Variants in SLC39A9 observed in about 807,000 individuals in gnomAD.
SLC39A9 encodes the protein zinc transporter ZIP9.
Under a neutral mutation model 28.4 loss-of-function variants are expected in SLC39A9, and 14 were observed. The observed-to-expected ratio is 0.49, with a 90% CI of 0.33 to 0.77. The LOEUF (loss-of-function observed/expected upper bound fraction) is 0.77, where lower values mean the gene tolerates loss of function less well. Among genes scored for constraint, SLC39A9 ranks in the 30% least tolerant of loss-of-function variants. SLC39A9 has a pLI of 0.02. For missense variants in SLC39A9, 283 were observed against 381.1 expected, an observed-to-expected ratio of 0.74 and a Z score of 2.14; for synonymous variants, 119 against 149.6, an observed-to-expected ratio of 0.80 and a Z score of 1.49.
intron 2 of SLC39A9, among the ~76,000 whole-genome samples, chr14:69,427,669 G>T (rs762058482): frequency 1.6e-4 from 25 of 152,180 alleles, no homozygotes; most frequent in Non-Finnish European, 3.7e-4. Context: ...TGTCATAAAT[G>T]GAATCATGTA....
At chr14:69,422,110 C>T (rs936980824) in intron 1 of SLC39A9, among the ~76,000 whole-genome samples, 8 of 152,158 alleles carry the variant, frequency 5.3e-5, no homozygotes, top group Non-Finnish European at 7.3e-5. Flanking sequence ...AGCTGCAGAC[C>T]GGAATTGTTC....
At chr14:69,413,167 T>A (rs1050146104) in intron 1 of SLC39A9, among the ~76,000 whole-genome samples, 6 of 152,068 alleles carry the variant, frequency 3.9e-5, no homozygotes, top group African/African-American at 1.2e-4. Context: ...CCATCCTGGC[T>A]AACATGGTGA....
chr14:69,422,369 G>T (rs773241099), intron 1 of SLC39A9, among the ~76,000 whole-genome samples: 1 of 152,116 alleles, frequency 6.6e-6, no homozygotes, highest in Non-Finnish European at 1.5e-5. Context: ...CAACAGGTAC[G>T]TACTACCATG....
At chr14:69,445,498 CTT>C (rs1885252419) in intron 3 of SLC39A9, among the ~76,000 whole-genome samples, 1 of 152,094 alleles carries the variant, frequency 6.6e-6, no homozygotes, top group African/African-American at 2.4e-5. Flanking sequence ...TGTTAATCGA[CTT>C]TGTTATCATT....
Position 69,422,750 on chromosome 14 carries a change from AATTTTTGT to A in SLC39A9, c.97-1334_97-1327del, listed in dbSNP as rs1261962899. Among the ~76,000 whole-genome samples the A allele has an allele frequency of 3.3e-5, 5 of 152,246 alleles. No homozygotes were observed. In the South Asian group the frequency reaches 8.3e-4, roughly 25 times the overall value. ...CAGGCACACACCACCACACCCAGCT[AATTTTTGT>A]ATTTTTGTAGAGACGGGGTTTCACC... On this transcript the variant is annotated intron_variant, in intron 1 of 6. Transcript: ENST00000336643.
At chr14:69,455,042 A>G (rs1885793908) in intron 5 of SLC39A9, 145 bp downstream of exon 5, 1 of 615,214 alleles carries the variant, frequency 1.6e-6, no homozygotes, top group African/African-American at 1.9e-5. Flanking sequence ...AAATCTGTTC[A>G]TAGCTTCTTG....
At chr14:69,425,778 C>T (rs189238094) in intron 2 of SLC39A9, among the ~76,000 whole-genome samples, 1 of 152,140 alleles carries the variant, frequency 6.6e-6, no homozygotes, top group Non-Finnish European at 1.5e-5. Context: ...CCACCTCAGC[C>T]TCCTGAGTAG....
At chr14:69,411,293 G>A (rs971384889) in intron 1 of SLC39A9, among the ~76,000 whole-genome samples, 1 of 152,052 alleles carries the variant, frequency 6.6e-6, no homozygotes, top group African/African-American at 2.4e-5. Flanking sequence ...CTGTGAGCAG[G>A]GAAAGAAAGA....
At chr14:69,439,841 G>A (rs1163649046) in intron 2 of SLC39A9, among the ~76,000 whole-genome samples, 1 of 152,168 alleles carries the variant, frequency 6.6e-6, no homozygotes, top group Non-Finnish European at 1.5e-5. Context: ...GAAGCTTCCT[G>A]AGATCCTCAG....
chr14:69,415,194 T>A (rs1467157671), intron 1 of SLC39A9, among the ~76,000 whole-genome samples: 1 of 152,210 alleles, frequency 6.6e-6, no homozygotes, highest in Non-Finnish European at 1.5e-5. Flanking sequence ...TTTAACTTTA[T>A]AAGGGACTGC....
chr14:69,401,083 T>G (rs1048336223), intron 1 of SLC39A9, among the ~76,000 whole-genome samples: 1 of 152,180 alleles, frequency 6.6e-6, no homozygotes, highest in Admixed American at 6.5e-5. Context: ...AGGTATTTTT[T>G]CAGTCTAGCT....
At chr14:69,438,166 C>T (rs1166450378) in intron 2 of SLC39A9, among the ~76,000 whole-genome samples, 1 of 151,564 alleles carries the variant, frequency 6.6e-6, no homozygotes, top group Admixed American at 6.6e-5. Context: ...GGATTACAGG[C>T]ACCTGCCACT....
intron 1 of SLC39A9, among the ~76,000 whole-genome samples, chr14:69,417,275 T>C (rs1476409152): frequency 6.6e-6 from 1 of 152,194 alleles, no homozygotes; most frequent in African/African-American, 2.4e-5. Flanking sequence ...AAAGATCAGA[T>C]GGTTTGTAGA....
intron 2 of SLC39A9, among the ~76,000 whole-genome samples, chr14:69,425,639 C>T (rs1305495676): frequency 6.6e-6 from 1 of 151,064 alleles, no homozygotes; most frequent in Non-Finnish European, 1.5e-5. Context: ...TACCCTGTTT[C>T]AGGTATAGTT....
chr14:69,430,613 T>C (rs1306262313), intron 2 of SLC39A9, among the ~76,000 whole-genome samples: 1 of 147,026 alleles, frequency 6.8e-6, no homozygotes, highest in African/African-American at 2.6e-5. Flanking sequence ...TCCTTCTTTG[T>C]TCTTATTTTT....
At chr14:69,403,367 G>C (rs1882741055) in intron 1 of SLC39A9, among the ~76,000 whole-genome samples, 1 of 152,152 alleles carries the variant, frequency 6.6e-6, no homozygotes, top group Non-Finnish European at 1.5e-5. Flanking sequence ...TGGGATTTCA[G>C]ATTGATTATC....
At position 69,454,906 on chromosome 14, in the gene SLC39A9, C is replaced by T. The variant is rs769546138; in HGVS notation, c.558+9C>T. 2 of 1,610,380 alleles carry T rather than the reference C, an allele frequency of 1.2e-6. No individual in the cohort carries two copies. Among genetic ancestry groups the T allele is most frequent in the South Asian group, 2.2e-5 (2 of 90,688 alleles). On this transcript the variant is annotated intron_variant, in intron 5 of 6. Coordinates refer to ENST00000336643, the MANE Select transcript of SLC39A9 (RefSeq NM_018375.5). ...CAATCATGCTACATAAGGTAAGCAA[C>T]ATTTTGGTGTAAGGTTTGGTATTGA... is the stretch of plus-strand genomic sequence containing the variant.
At chr14:69,401,157 T>TGG (rs956113734) in intron 1 of SLC39A9, among the ~76,000 whole-genome samples, 6 of 152,156 alleles carry the variant, frequency 3.9e-5, no homozygotes, top group African/African-American at 1.4e-4. Context: ...TACATATACA[T>TGG]GGTAGCCTGT....
chr14:69,418,685 G>A (rs1161315021), intron 1 of SLC39A9, among the ~76,000 whole-genome samples: 3 of 152,210 alleles, frequency 2.0e-5, no homozygotes, highest in African/African-American at 4.8e-5. Flanking sequence ...CAGTTTCAGA[G>A]CCTGTTATTT....
Sources: gnomAD v4.1 joint callset for allele counts (sites outside exome capture counted in the v4.1 genomes callset) on GRCh38, gnomAD v4.1.1 for gene constraint, MANE v1.5 for transcripts, NCBI Gene and HGNC (gene_info 2026-07-23, HGNC 2026-07-21) for gene names.